The following PLCXD3 variants were observed in gnomAD, a reference collection of about 807,000 sequenced individuals.
PLCXD3 encodes the protein PI-PLC X domain-containing protein 3.
Under a neutral mutation model 25.5 loss-of-function variants are expected in PLCXD3, and 19 were observed. The ratio of observed to expected loss-of-function variants is 0.75; its 90% CI spans 0.52 to 1.09. PLCXD3 has a LOEUF of 1.09. PLCXD3 is among the 50% of genes least tolerant of loss of function. The pLI is 0.00. For missense variants in PLCXD3, 411 were observed against 388.1 expected (o/e 1.06, Z -0.50); for synonymous variants, 174 against 137.6 (o/e 1.26, Z -1.85).
rs1453536641 is a variant in PLCXD3 at position 41,492,295 on chromosome 5, G to A, written c.103+18129C>T. On this transcript the variant is annotated intron_variant, in intron 1 of 2. Transcript: ENST00000377801. ...TCTTCTGGCTTGTAGAGTTTCTGCCGAGAGATCCGCTGTTAGTCTGATGGG... is the reference window on the plus strand; with the variant it reads ...TCTTCTGGCTTGTAGAGTTTCTGCCAAGAGATCCGCTGTTAGTCTGATGGG... 1.4e-4 allele frequency among the ~76,000 whole-genome samples: 21 copies of A among 152,308 alleles called. No homozygotes were observed. The East Asian group carries it at 3.1e-3, about 22-fold the overall frequency.
intron 1 of PLCXD3, among the ~76,000 whole-genome samples, chr5:41,471,515 T>C (rs573662941): frequency 6.6e-6 from 1 of 152,144 alleles, no homozygotes; most frequent in South Asian, 2.1e-4. Flanking sequence ...GGTCAGAACT[T>C]GATTTCTGGC....
intron 2 of PLCXD3, among the ~76,000 whole-genome samples, chr5:41,317,522 G>T (rs1267238179): frequency 6.6e-6 from 1 of 152,092 alleles, no homozygotes; most frequent in Non-Finnish European, 1.5e-5. Flanking sequence ...ACTAAATAAG[G>T]CACCAGGGAC....
intron 1 of PLCXD3, among the ~76,000 whole-genome samples, chr5:41,498,593 A>T (rs1340022731): frequency 6.6e-6 from 1 of 151,756 alleles, no homozygotes; most frequent in African/African-American, 2.4e-5. Flanking sequence ...AATTAATGCC[A>T]ATTCTTCTCA....
intron 1 of PLCXD3, among the ~76,000 whole-genome samples, chr5:41,469,429 A>G (rs537846180): frequency 7.4e-4 from 113 of 151,744 alleles, no homozygotes; most frequent in African/African-American, 2.4e-3. Flanking sequence ...GAGCTTCAAA[A>G]CATTTAATAT....
At chr5:41,480,707 G>A (rs1252682943) in intron 1 of PLCXD3, among the ~76,000 whole-genome samples, 1 of 151,964 alleles carries the variant, frequency 6.6e-6, no homozygotes, top group Non-Finnish European at 1.5e-5. Flanking sequence ...GATCACCTGA[G>A]GTCAGGATTT....
chr5:41,437,407 T>C (rs1446586140), intron 1 of PLCXD3, among the ~76,000 whole-genome samples: 2 of 152,086 alleles, frequency 1.3e-5, no homozygotes, highest in Admixed American at 1.3e-4. Context: ...ATTAAGTATT[T>C]ACAAAGACTA....
At chr5:41,473,669 G>C (rs914720317) in intron 1 of PLCXD3, among the ~76,000 whole-genome samples, 10 of 152,112 alleles carry the variant, frequency 6.6e-5, no homozygotes, top group Admixed American at 4.6e-4. Flanking sequence ...TGTTGGCCAG[G>C]ATGGTCTTGA....
chr5:41,411,033 C>G (rs1198492579), intron 1 of PLCXD3, among the ~76,000 whole-genome samples: 2 of 152,168 alleles, frequency 1.3e-5, no homozygotes, highest in Admixed American at 1.3e-4. Context: ...TGGGGGAGGG[C>G]AGATTAGATA....
At chr5:41,492,381 T>A (rs1313616246) in intron 1 of PLCXD3, among the ~76,000 whole-genome samples, 1 of 152,092 alleles carries the variant, frequency 6.6e-6, no homozygotes, top group Non-Finnish European at 1.5e-5. Flanking sequence ...TTTCCTTCAT[T>A]TCAACTTTGG....
intron 2 of PLCXD3, among the ~76,000 whole-genome samples, chr5:41,326,583 T>A: frequency 6.6e-6 from 1 of 152,168 alleles, no homozygotes; most frequent in Admixed American, 6.6e-5. Context: ...AGTTTCATGC[T>A]TATGTATTTT....
At chr5:41,364,895 G>A (rs1217861661) in intron 2 of PLCXD3, among the ~76,000 whole-genome samples, 1 of 152,152 alleles carries the variant, frequency 6.6e-6, no homozygotes, top group Admixed American at 6.6e-5. Context: ...AGGACAGAAT[G>A]TCAAATCTCA....
intron 2 of PLCXD3, among the ~76,000 whole-genome samples, chr5:41,340,811 A>G (rs2150477642): frequency 6.6e-6 from 1 of 152,328 alleles, no homozygotes; most frequent in Admixed American, 6.5e-5. Context: ...TTGGGAACTC[A>G]TGTCCCACTG....
chr5:41,394,902 G>A (rs1745949712), intron 1 of PLCXD3, among the ~76,000 whole-genome samples: 1 of 152,090 alleles, frequency 6.6e-6, no homozygotes, highest in Non-Finnish European at 1.5e-5. Flanking sequence ...CACACTTTCA[G>A]CATTGGACAG....
chr5:41,487,839 T>C (rs1442223841), intron 1 of PLCXD3, among the ~76,000 whole-genome samples: 1 of 151,980 alleles, frequency 6.6e-6, no homozygotes, highest in African/African-American at 2.4e-5. Flanking sequence ...TGAAAGGAGT[T>C]GAGGTCAGAA....
intron 1 of PLCXD3, among the ~76,000 whole-genome samples, chr5:41,413,150 AT>A (rs907986243): frequency 1.3e-4 from 19 of 151,976 alleles, no homozygotes; most frequent in East Asian, 1.9e-4. Flanking sequence ...ATTGCAAATA[AT>A]TTTTTTTTAA....
At chr5:41,488,669 C>T (rs1359164843) in intron 1 of PLCXD3, among the ~76,000 whole-genome samples, 1 of 146,788 alleles carries the variant, frequency 6.8e-6, no homozygotes, top group East Asian at 2.0e-4. Context: ...TTGCATTTCT[C>T]TGATGGCCAG....
rs1241018226 is a variant in PLCXD3, at chr5:41,311,618, A to G, written c.*1999T>C. The G allele has an allele frequency of 2.0e-5, 3 of 152,178 alleles. No individual in the cohort carries two copies. The highest frequency in any genetic ancestry group is 2.9e-5 in the Non-Finnish European group (2 of 68,014). 9.4% of individuals were successfully genotyped at this position (152,178 alleles called of 1,614,324 possible). ...ATTGTATATGGCAAGATGTATACAC[A>G]CAACCCAAATGTATACACACATTTT... On this transcript the variant is annotated 3_prime_UTR_variant, in exon 3 of 3. Transcript: ENST00000377801.
chr5:41,322,476 A>T (rs749588044), intron 2 of PLCXD3, among the ~76,000 whole-genome samples: 11 of 152,230 alleles, frequency 7.2e-5, no homozygotes, highest in Non-Finnish European at 1.5e-4. Flanking sequence ...ACATTAGTAC[A>T]ACCACTATGG....
At chr5:41,502,234 A>T (rs1748966352) in intron 1 of PLCXD3, among the ~76,000 whole-genome samples, 2 of 152,154 alleles carry the variant, frequency 1.3e-5, no homozygotes, top group Non-Finnish European at 2.9e-5. Context: ...AAAGTATAAG[A>T]AATAGATGCA....
Sources: allele counts gnomAD v4.1 joint callset (sites outside exome capture counted in the v4.1 genomes callset), GRCh38; gene constraint gnomAD v4.1.1; transcripts MANE v1.5; gene names NCBI Gene and HGNC (gene_info 2026-07-23, HGNC 2026-07-21).